The following INSL4 variants were observed in gnomAD, a reference collection of about 807,000 sequenced individuals.
The protein encoded by INSL4 is early placenta insulin-like peptide.
In INSL4, 7 loss-of-function variants were observed where a neutral mutation model predicts 6.5. The observed-to-expected ratio is 1.08, with a 90% CI of 0.61 to 2.02. INSL4 has a LOEUF of 2.02. INSL4 is among the 30% of genes most tolerant of loss of function. The pLI, the probability that INSL4 is intolerant of heterozygous loss-of-function variation, is 0.00. For missense variants in INSL4, 226 were observed against 163.2 expected (o/e 1.38, Z -2.09); for synonymous variants, 82 against 65.8 (o/e 1.25, Z -1.19).
Position 5,233,713 on chromosome 9 carries a change from A to C in INSL4, c.256A>C (p.Ile86Leu), listed in dbSNP as rs760193494. The change falls in exon 2 of 2, where the codon ATT becomes CTT. Residue 86 changes from isoleucine (I) to leucine (L), a missense_variant. Ile to Leu is a conservative substitution (Grantham distance 5, BLOSUM62 2). Transcript: ENST00000239316. Reference protein sequence around the residue: ...GQALGTTSEFIPNLSPELKKP... With the variant: ...GQALGTTSEFLPNLSPELKKP... Reference sequence around the variant, plus strand: ...AGCCTTAGGTACGACATCAGAATTCATTCCTAATTTGTCACCAGAGCTGAA... The same window carrying C: ...AGCCTTAGGTACGACATCAGAATTCCTTCCTAATTTGTCACCAGAGCTGAA... The C allele has an allele frequency of 6.2e-7, 1 of 1,613,748 alleles. No individual in the cohort carries two copies. Among genetic ancestry groups the C allele is most frequent in the Non-Finnish European group, 8.5e-7 (1 of 1,179,750 alleles).
In INSL4 at chr9:5,231,710, C is replaced by A. The variant is rs188521238; in HGVS notation, c.187C>A (p.Arg63Ser). Residue 63 changes from arginine (R) to serine (S), a missense_variant, in exon 1 of 2, where the codon CGT (arginine) becomes AGT (serine). By Grantham distance (110) the Arg-to-Ser change is moderately radical. Coordinates refer to ENST00000239316, the MANE Select transcript of INSL4 (RefSeq NM_002195.2). The stretch of plus-strand genomic sequence containing the variant: ...AGGAGGGTGGCTGCTGGAATCTGGA[C>A]GTCCCAAAGGTGAGAGCCCTGGACT... ...TPGGWLLESGRPKEMVSTSNN... is the reference protein window; with the variant it reads ...TPGGWLLESGSPKEMVSTSNN... The A allele has an allele frequency of 6.2e-7, 1 of 1,613,536 alleles. No individual in the cohort carries two copies.
At chr9:5,231,784 G>A in intron 1 of INSL4, 65 bp downstream of exon 1, 1 of 1,421,076 alleles carries the variant, frequency 7.0e-7, no homozygotes, top group Non-Finnish European at 9.7e-7. Flanking sequence ...AGATCTCATT[G>A]ACTGCCTGTA....
At position 5,235,184 on chromosome 9, in the gene INSL4, G is replaced by A. The variant is rs1308322377; in HGVS notation, c.*1307G>A. On this transcript the variant is annotated 3_prime_UTR_variant, in exon 2 of 2. Coordinates refer to ENST00000239316, the MANE Select transcript of INSL4 (RefSeq NM_002195.2). The stretch of plus-strand genomic sequence containing the variant: ...AGCCAGAGTCAGCAGGGCAGGAGGT[G>A]GTGTGGAGAAAAGGAATTGTCAAGA... 2 of 153,052 alleles carry A rather than the reference G, an allele frequency of 1.3e-5. No homozygotes were observed. The highest frequency in any genetic ancestry group is 1.3e-4 in the Admixed American group (2 of 15,244). 9.5% of individuals were successfully genotyped at this position (153,052 alleles called of 1,614,324 possible).
chr9:5,233,563 C>A lies in INSL4; in HGVS notation c.197-91C>A, dbSNP rs1586900422. On this transcript the variant is annotated intron_variant, in intron 1 of 1. Coordinates refer to ENST00000239316, the MANE Select transcript of INSL4 (RefSeq NM_002195.2). ...TTTAATTACATGGAGGCAATGGGTA[C>A]ATTGTGGTCTAGGCAAATTGTATAA... The A allele has an allele frequency of 6.7e-6, 6 of 892,266 alleles. 1 individual carries two copies. The highest frequency in any genetic ancestry group is 4.4e-4 in the Middle Eastern group (2 of 4,522). 55.3% of individuals were successfully genotyped at this position (892,266 alleles called of 1,614,324 possible). A position where few individuals can be genotyped will look rare whatever the true frequency, so the allele number is the denominator to read the frequency against.
Position 5,233,869 on chromosome 9 carries a change from T to C in INSL4, c.412T>C (p.Cys138Arg). 1 of 1,605,500 alleles carries C rather than the reference T, an allele frequency of 6.2e-7. No individual in the cohort carries two copies. The highest frequency in any genetic ancestry group is 2.2e-5 in the East Asian group (1 of 44,758). ...TGACGATGGAACTTCAGTTAAATTA[T>C]GTACATAGTAGAGTAATCATGGACT... ...ICDDGTSVKL[C>R]T The change falls in exon 2 of 2, where the codon TGT (cysteine) becomes CGT (arginine). Residue 138 changes from cysteine to arginine, a missense_variant. By Grantham distance (180) the Cys-to-Arg change is radical. Transcript: ENST00000239316.
In INSL4 at chr9:5,234,972, T is replaced by C. The variant is rs1242971773; in HGVS notation, c.*1095T>C. 3.9e-5 allele frequency: 6 copies of C among 152,108 alleles called. No homozygotes were observed. The highest frequency in any genetic ancestry group is 1.2e-4 in the African/African-American group (5 of 41,438). 9.4% of individuals were successfully genotyped at this position (152,108 alleles called of 1,614,324 possible). A position where few individuals can be genotyped will look rare whatever the true frequency, so the allele number is the denominator to read the frequency against. On this transcript the variant is annotated 3_prime_UTR_variant, in exon 2 of 2. Coordinates refer to ENST00000239316, the MANE Select transcript of INSL4 (RefSeq NM_002195.2). ...CCACAGGAATCAGGGTCGTGTTTAA[T>C]GCCAACATGTGAAAGAATAAATATA...
Position 5,233,874 on chromosome 9 carries a change from A to G in INSL4, c.417A>G (p.Thr139=). ...ATGGAACTTCAGTTAAATTATGTAC[A>G]TAGTAGAGTAATCATGGACTGGACA... ...CDDGTSVKLC[T] is the part of the protein sequence containing the mutation. The change falls in exon 2 of 2, where the codon ACA becomes ACG. Residue 139 remains threonine (T), a synonymous_variant. Coordinates refer to ENST00000239316, the MANE Select transcript of INSL4 (RefSeq NM_002195.2). 1.3e-6 allele frequency: 2 copies of G among 1,597,120 alleles called. No individual in the cohort carries two copies. The highest frequency in any genetic ancestry group is 2.2e-5 in the East Asian group (1 of 44,692).
In INSL4 at chr9:5,231,602, G is replaced by T; in HGVS notation, c.79G>T (p.Glu27Ter). Residue 27 changes from glutamate (E) to a stop codon, truncating the protein, a stop_gained, in exon 1 of 2, where the codon GAG becomes TAG. Transcript: ENST00000239316. LOFTEE classifies it high-confidence loss of function. ...SQLLRESLAAELRGCGPRFGK... is the reference protein window; with the variant it reads ...SQLLRESLAA Reference sequence around the variant, plus strand: ...ACTCCTTAGAGAAAGCCTAGCAGCAGAGCTGAGGGGATGTGGTCCCCGATT... The same window carrying T: ...ACTCCTTAGAGAAAGCCTAGCAGCATAGCTGAGGGGATGTGGTCCCCGATT... 1 of 1,613,946 alleles carries T rather than the reference G, an allele frequency of 6.2e-7. No homozygotes were observed. Among genetic ancestry groups the T allele is most frequent in the Non-Finnish European group, 8.5e-7 (1 of 1,179,888 alleles).
At position 5,233,302 on chromosome 9, in the gene INSL4, TA is replaced by T. The variant is rs553919741; in HGVS notation, c.197-344del. Among the ~76,000 whole-genome samples, 687 of 152,074 alleles carry T rather than the reference TA, an allele frequency of 4.5e-3. 7 individuals carry two copies. Among genetic ancestry groups the T allele is most frequent in the African/African-American group, 0.016 (649 of 41,522 alleles). ...TTTCTATTAGAATAACTTGTGATTA[TA>T]AAAAAAATTCCCTATTGCTATCCAG... is the stretch of plus-strand genomic sequence containing the variant. On this transcript the variant is annotated intron_variant, in intron 1 of 1. Transcript: ENST00000239316.
intron 1 of INSL4, 29 bp from the exon 2 acceptor site, chr9:5,233,625 A>G: frequency 6.4e-7 from 1 of 1,560,524 alleles, no homozygotes; most frequent in Non-Finnish European, 8.8e-7. Context: ...GTTTTTCCTC[A>G]CCTTTCATTC....
Position 5,233,639 on chromosome 9 carries a change from T to C in INSL4, c.197-15T>C. On this transcript the variant is annotated splice_polypyrimidine_tract_variant and intron_variant, in intron 1 of 1. Coordinates refer to ENST00000239316, the MANE Select transcript of INSL4 (RefSeq NM_002195.2). Reference sequence around the variant, plus strand: ...TGTTTTTCCTCACCTTTCATTCCTCTCTTTTACTTCACAGAAATGGTGTCA... The same window carrying C: ...TGTTTTTCCTCACCTTTCATTCCTCCCTTTTACTTCACAGAAATGGTGTCA... 2 of 1,598,222 alleles carry C rather than the reference T, an allele frequency of 1.3e-6. No individual in the cohort carries two copies. Among genetic ancestry groups the C allele is most frequent in the Non-Finnish European group, 8.6e-7 (1 of 1,166,600 alleles).
At chr9:5,231,751 T>G (rs765930628) in intron 1 of INSL4, 32 bp downstream of exon 1, 2 of 1,595,208 alleles carry the variant, frequency 1.3e-6, no homozygotes, top group Non-Finnish European at 1.7e-6. Flanking sequence ...ACAATCAGAA[T>G]GAGGCCTGAA....
At position 5,233,824 on chromosome 9, in the gene INSL4, T is replaced by A; in HGVS notation, c.367T>A (p.Phe123Ile). 1 of 1,613,656 alleles carries A rather than the reference T, an allele frequency of 6.2e-7. No individual in the cohort carries two copies. Among genetic ancestry groups the A allele is most frequent in the Non-Finnish European group, 8.5e-7 (1 of 1,179,656 alleles). Residue 123 changes from phenylalanine to isoleucine, a missense_variant, in exon 2 of 2, where the codon TTC (phenylalanine) becomes ATC (isoleucine). Physicochemically the swap from Phe to Ile is conservative, Grantham distance 21. Coordinates refer to ENST00000239316, the MANE Select transcript of INSL4 (RefSeq NM_002195.2). Reference protein sequence around the residue: ...KRSGRHRFDPFCCEVICDDGT... With the variant: ...KRSGRHRFDPICCEVICDDGT... ...AAGTGGACGTCACAGATTTGATCCA[T>A]TCTGTTGTGAAGTAATTTGTGACGA...
At chr9:5,231,778 C>T (rs1826150138) in intron 1 of INSL4, 59 bp downstream of exon 1, 1 of 1,461,282 alleles carries the variant, frequency 6.8e-7, no homozygotes, top group Admixed American at 1.8e-5. Context: ...GGCTCCAGAT[C>T]TCATTGACTG....
Position 5,233,861 on chromosome 9 carries a change from T to C in INSL4, c.404T>C (p.Val135Ala), listed in dbSNP as rs1271676201. 23 of 1,608,996 alleles carry C rather than the reference T, an allele frequency of 1.4e-5. No individual in the cohort carries two copies. In the East Asian group the frequency reaches 4.9e-4, roughly 34 times the overall value. Residue 135 changes from valine to alanine, a missense_variant, in exon 2 of 2, where the codon GTT (valine) becomes GCT (alanine). By Grantham distance (64) the Val-to-Ala change is moderately conservative. Coordinates refer to ENST00000239316, the MANE Select transcript of INSL4 (RefSeq NM_002195.2). ...CEVICDDGTSVKLCT is the reference protein window; with the variant it reads ...CEVICDDGTSAKLCT The stretch of plus-strand genomic sequence containing the variant: ...GTAATTTGTGACGATGGAACTTCAG[T>C]TAAATTATGTACATAGTAGAGTAAT...
intron 1 of INSL4, among the ~76,000 whole-genome samples, chr9:5,232,751 A>G (rs10124890): frequency 0.026 from 3,967 of 152,264 alleles, 187 homozygotes; most frequent in African/African-American, 0.091. Flanking sequence ...ATTACTAAAC[A>G]TTGTTTTACA....
Position 5,231,593 on chromosome 9 carries a change from C to T in INSL4, c.70C>T (p.Leu24=). ...GCTGAGCCAACTCCTTAGAGAAAGC[C>T]TAGCAGCAGAGCTGAGGGGATGTGG... ...LLLSQLLRES[L]AAELRGCGPR... Residue 24 remains leucine (L), a synonymous_variant, in exon 1 of 2, where the codon CTA becomes TTA. Transcript: ENST00000239316. The T allele has an allele frequency of 6.2e-7, 1 of 1,613,910 alleles. No homozygotes were observed.
In INSL4 at chr9:5,231,531, G is replaced by T; in HGVS notation, c.8G>T (p.Ser3Ile). The T allele has an allele frequency of 6.2e-7, 1 of 1,612,688 alleles. No homozygotes were observed. Among genetic ancestry groups the T allele is most frequent in the Non-Finnish European group, 8.5e-7 (1 of 1,179,652 alleles). Residue 3 changes from serine (S) to isoleucine (I), a missense_variant, in exon 1 of 2, where the codon AGC becomes ATC. Physicochemically the swap from Ser to Ile is moderately radical, Grantham distance 142 (BLOSUM62 -2). Transcript: ENST00000239316. ...GGAGAGTTCAGGTCCAGGATGGCCA[G>T]CCTGTTCCGGTCCTATCTGCCAGCA... Reference protein sequence around the residue: MASLFRSYLPAIW... With the variant: MAILFRSYLPAIW...
Position 5,233,635 on chromosome 9 carries a change from CCTCT to C in INSL4, c.197-16_197-13del. 2.5e-6 allele frequency: 4 copies of C among 1,587,560 alleles called. No homozygotes were observed. The highest frequency in any genetic ancestry group is 3.5e-6 in the Non-Finnish European group (4 of 1,157,382). On this transcript the variant is annotated splice_polypyrimidine_tract_variant and intron_variant, in intron 1 of 1. Transcript: ENST00000239316. ...TGAATGTTTTTCCTCACCTTTCATT[CCTCT>C]CTTTTACTTCACAGAAATGGTGTCA...
Sources: gnomAD v4.1 joint callset for allele counts (sites outside exome capture counted in the v4.1 genomes callset) on GRCh38, gnomAD v4.1.1 for gene constraint, MANE v1.5 for transcripts, NCBI Gene and HGNC (gene_info 2026-07-23, HGNC 2026-07-21) for gene names.